LRMDA: variants seen among roughly 807,000 people sequenced by gnomAD.
LRMDA encodes the protein leucine-rich melanocyte differentiation-associated protein.
In LRMDA, 18 loss-of-function variants were observed where a neutral mutation model predicts 29.8. The observed-to-expected ratio is 0.60, with a 90% CI of 0.42 to 0.90. The LOEUF (loss-of-function observed/expected upper bound fraction) is 0.90, where lower values mean the gene tolerates loss of function less well. Among genes scored for constraint, LRMDA ranks in the 40% least tolerant of loss-of-function variants. LRMDA has a pLI of 0.00. For missense variants in LRMDA, 273 were observed against 273.9 expected, an observed-to-expected ratio of 1.00 and a Z score of 0.02; for synonymous variants, 125 against 109.4, an observed-to-expected ratio of 1.14 and a Z score of -0.89.
intron 2 of LRMDA, among the ~76,000 whole-genome samples, chr10:75,751,203 C>T (rs1842964197): frequency 6.6e-6 from 1 of 152,140 alleles, no homozygotes; most frequent in Non-Finnish European, 1.5e-5. Flanking sequence ...CAATCCCAGG[C>T]ACTCGGCAGG....
At chr10:75,527,135 T>C (rs975724837) in intron 2 of LRMDA, among the ~76,000 whole-genome samples, 4 of 152,166 alleles carry the variant, frequency 2.6e-5, no homozygotes, top group African/African-American at 9.7e-5. Flanking sequence ...CAGTATGTGG[T>C]ATTTTGTGTC....
At chr10:76,135,565 C>T (rs1440674935) in intron 5 of LRMDA, among the ~76,000 whole-genome samples, 1 of 152,140 alleles carries the variant, frequency 6.6e-6, no homozygotes, top group Non-Finnish European at 1.5e-5. Context: ...AATGTATTGT[C>T]TTACATTTCT....
chr10:75,993,456 C>T (rs991319950), intron 2 of LRMDA, among the ~76,000 whole-genome samples: 6 of 152,084 alleles, frequency 3.9e-5, no homozygotes, highest in African/African-American at 1.2e-4. Context: ...TAGCTTGGCC[C>T]GCTTGGTGGC....
At chr10:76,166,710 A>G (rs1850747185) in intron 5 of LRMDA, among the ~76,000 whole-genome samples, 1 of 152,074 alleles carries the variant, frequency 6.6e-6, no homozygotes, top group South Asian at 2.1e-4. Flanking sequence ...TTCTTTATCT[A>G]GTCTACCATT....
chr10:76,519,002 G>A (rs900434190), intron 6 of LRMDA, among the ~76,000 whole-genome samples: 2 of 152,008 alleles, frequency 1.3e-5, no homozygotes, highest in East Asian at 3.9e-4. Flanking sequence ...ATACTAAAAA[G>A]TTAACTAGAA....
At chr10:76,296,905 G>C (rs1840418159) in intron 5 of LRMDA, among the ~76,000 whole-genome samples, 1 of 152,192 alleles carries the variant, frequency 6.6e-6, no homozygotes, top group African/African-American at 2.4e-5. Flanking sequence ...GCACATAGCA[G>C]GAAGTTGATA....
intron 2 of LRMDA, among the ~76,000 whole-genome samples, chr10:75,885,424 C>T (rs1056625141): frequency 3.9e-5 from 6 of 152,190 alleles, no homozygotes; most frequent in African/African-American, 1.2e-4. Context: ...CTCAGCTTTT[C>T]GTAAGTAAAA....
intron 2 of LRMDA, among the ~76,000 whole-genome samples, chr10:75,846,417 A>T (rs1259621736): frequency 6.6e-6 from 1 of 152,168 alleles, no homozygotes. Flanking sequence ...CATTTGGTAA[A>T]ATTGTTTTTA....
chr10:76,279,408 A>C (rs1840174096), intron 5 of LRMDA, among the ~76,000 whole-genome samples: 2 of 152,298 alleles, frequency 1.3e-5, no homozygotes, highest in South Asian at 2.1e-4. Context: ...TTCTTCCTTG[A>C]AGCTTCACAA....
chr10:75,822,964 C>T lies in LRMDA; in HGVS notation c.132-213044C>T, dbSNP rs78770876. 7.3e-3 allele frequency among the ~76,000 whole-genome samples: 1,114 copies of T among 152,160 alleles called. 58 individuals are homozygous for T. The East Asian group carries it at 0.14, about 19-fold the overall frequency. ...AATGAAACTGGACTTCTATCTCTTA[C>T]CATATATAAAAATGAGCTCAAGATG... On this transcript the variant is annotated intron_variant, in intron 2 of 6. Transcript: ENST00000611255.
rs1379147022 is a variant in LRMDA, at chr10:75,779,627, T to C, written c.132-256381T>C. 2.6e-5 allele frequency among the ~76,000 whole-genome samples: 4 copies of C among 152,230 alleles called. No individual in the cohort carries two copies. The South Asian group carries it at 6.2e-4, about 24-fold the overall frequency. On this transcript the variant is annotated intron_variant, in intron 2 of 6. Coordinates refer to ENST00000611255, the MANE Select transcript of LRMDA (RefSeq NM_001305581.2). Reference sequence around the variant, plus strand: ...CTGTTGTAACAAATTAACCCTGAAATCTCAGTGGCTTAACACCACAAGGCT... The same window carrying C: ...CTGTTGTAACAAATTAACCCTGAAACCTCAGTGGCTTAACACCACAAGGCT...
Position 75,544,884 on chromosome 10 carries a change from C to T in LRMDA, c.131+106390C>T, listed in dbSNP as rs529655541. Reference sequence around the variant, plus strand: ...ATTTAGTGCAAGCTCACCACTAAGTCAGATGTTTTAAAGTAGGGATGTGCT... The same window carrying T: ...ATTTAGTGCAAGCTCACCACTAAGTTAGATGTTTTAAAGTAGGGATGTGCT... On this transcript the variant is annotated intron_variant, in intron 2 of 6. Coordinates refer to ENST00000611255, the MANE Select transcript of LRMDA (RefSeq NM_001305581.2). 8.5e-5 allele frequency among the ~76,000 whole-genome samples: 13 copies of T among 152,304 alleles called. No homozygotes were observed. The East Asian group carries it at 9.6e-4, about 11-fold the overall frequency.
chr10:75,833,798 G>C (rs1844386702), intron 2 of LRMDA, among the ~76,000 whole-genome samples: 1 of 152,138 alleles, frequency 6.6e-6, no homozygotes, highest in Non-Finnish European at 1.5e-5. Flanking sequence ...CCAAAATACA[G>C]TGATGGGACA....
intron 6 of LRMDA, among the ~76,000 whole-genome samples, chr10:76,489,035 ACGAGTTTAGAAGTATTC>A (rs1248825490): frequency 6.6e-6 from 1 of 151,864 alleles, no homozygotes; most frequent in Non-Finnish European, 1.5e-5. Flanking sequence ...TTAGCATAGC[ACGAGTTTAGAAGTATTC>A]CCTCTTCCTC....
At chr10:76,194,827 A>C (rs1851305679) in intron 5 of LRMDA, among the ~76,000 whole-genome samples, 1 of 152,236 alleles carries the variant, frequency 6.6e-6, no homozygotes. Context: ...TCTATCAAAC[A>C]AAGTCAAGCA....
intron 2 of LRMDA, among the ~76,000 whole-genome samples, chr10:75,906,317 T>G (rs1004827485): frequency 6.6e-6 from 1 of 152,218 alleles, no homozygotes; most frequent in Non-Finnish European, 1.5e-5. Flanking sequence ...TTATAGTGTT[T>G]TCTTTTTCAA....
intron 5 of LRMDA, among the ~76,000 whole-genome samples, chr10:76,283,932 T>C (rs1840238463): frequency 6.6e-6 from 1 of 152,140 alleles, no homozygotes. Context: ...TCCCAAACAG[T>C]TGGGACTACA....
chr10:75,481,764 A>C (rs777771934), intron 2 of LRMDA, among the ~76,000 whole-genome samples: 3 of 152,108 alleles, frequency 2.0e-5, no homozygotes, highest in Non-Finnish European at 4.4e-5. Flanking sequence ...TTCATCTTGT[A>C]CCACATTCTC....
At chr10:76,327,064 C>T (rs771342745) in intron 6 of LRMDA, among the ~76,000 whole-genome samples, 5 of 150,414 alleles carry the variant, frequency 3.3e-5, no homozygotes, top group African/African-American at 4.9e-5. Context: ...TGAAAACTCC[C>T]TGAGAGGCAG....
Sources: allele counts gnomAD v4.1 joint callset (sites outside exome capture counted in the v4.1 genomes callset), GRCh38; gene constraint gnomAD v4.1.1; transcripts MANE v1.5; gene names NCBI Gene and HGNC (gene_info 2026-07-23, HGNC 2026-07-21).